LRRC9: variants seen among roughly 807,000 people sequenced by gnomAD.
LRRC9 encodes leucine rich repeat containing 9.
In LRRC9, 122 loss-of-function variants were observed where a neutral mutation model predicts 63.2. The ratio of observed to expected loss-of-function variants is 1.93; its 90% confidence interval spans 1.67 to 2.24. The LOEUF (loss-of-function observed/expected upper bound fraction) is 2.24. LRRC9 is among the 30% of genes most tolerant of loss of function. The pLI, the probability that LRRC9 is intolerant of heterozygous loss-of-function variation, is 0.00. For missense variants in LRRC9, 1,071 were observed against 627.7 expected, an observed-to-expected ratio of 1.71 and a Z score of -7.55; for synonymous variants, 366 against 213.1, an observed-to-expected ratio of 1.72 and a Z score of -6.25.
intron 10 of LRRC9, among the ~76,000 whole-genome samples, 179 bp downstream of exon 10, chr14:59,961,224 C>T (rs774239873): frequency 1.3e-5 from 2 of 152,026 alleles, no homozygotes; most frequent in Non-Finnish European, 2.9e-5. Flanking sequence ...ACCTACTTTC[C>T]GCCTATACAT....
intron 8 of LRRC9, among the ~76,000 whole-genome samples, chr14:59,946,660 C>A (rs1882448307): frequency 7.3e-6 from 1 of 137,184 alleles, no homozygotes; most frequent in African/African-American, 2.7e-5. Context: ...TCCCCCCTCC[C>A]CACTCCTCAC....
At position 60,008,045 on chromosome 14, in the gene LRRC9, G is replaced by C. The variant is rs538763040; in HGVS notation, c.3064-47G>C. On this transcript the variant is annotated intron_variant, in intron 22 of 31. Coordinates refer to ENST00000445360, the Ensembl canonical transcript of LRRC9. ...TGAGGATGGCTAACCTCTTACTAGAGTGCTTTAAATATACATATAGATGAA... is the reference window on the plus strand; with the variant it reads ...TGAGGATGGCTAACCTCTTACTAGACTGCTTTAAATATACATATAGATGAA... 4.3e-4 allele frequency: 237 copies of C among 557,480 alleles called. 3 individuals are homozygous for C. The South Asian group carries it at 5.7e-3, about 13-fold the overall frequency. 34.5% of individuals were successfully genotyped at this position (557,480 alleles called of 1,614,324 possible). A position where few individuals can be genotyped will look rare whatever the true frequency, so the allele number is the denominator to read the frequency against.
In LRRC9 at chr14:59,936,585, G is replaced by T. The variant is rs1327016328; in HGVS notation, c.544-1805G>T. The stretch of plus-strand genomic sequence containing the variant: ...CAGAGTTTATACCCACCATCTGCTA[G>T]CTCAGACTAATGGTCAAATGAAACA... On this transcript the variant is annotated intron_variant, in intron 6 of 31. Coordinates refer to ENST00000445360, the Ensembl canonical transcript of LRRC9. The surrounding 1 kb of genome is among the most constrained non-coding windows in gnomAD (Gnocchi z 4.2). Among the ~76,000 whole-genome samples, 1 of 152,158 alleles carries T rather than the reference G, an allele frequency of 6.6e-6. No homozygotes were observed. The highest frequency in any genetic ancestry group is 1.5e-5 in the Non-Finnish European group (1 of 68,028).
In LRRC9 at chr14:59,941,597, T is replaced by C. The variant is rs1057372740; in HGVS notation, c.727-2992T>C. Among the ~76,000 whole-genome samples the C allele has an allele frequency of 1.2e-4, 18 of 152,226 alleles. 1 individual carries two copies. The highest frequency in any genetic ancestry group is 8.5e-4 in the Admixed American group (13 of 15,292). On this transcript the variant is annotated intron_variant, in intron 7 of 31. Coordinates refer to ENST00000445360, the Ensembl canonical transcript of LRRC9. The stretch of plus-strand genomic sequence containing the variant: ...TGTTTATCTGAAATTCAAATTTAAT[T>C]TGGCATCTTGTATTTTATCTGACCA...
intron 26 of LRRC9, among the ~76,000 whole-genome samples, chr14:60,020,667 T>C (rs1368548650): frequency 1.3e-5 from 2 of 151,950 alleles, no homozygotes; most frequent in Non-Finnish European, 2.9e-5. Flanking sequence ...CAACCTCTAA[T>C]CTGTTTTCTA....
intron 15 of LRRC9, 145 bp downstream of exon 15, chr14:59,978,277 A>C (rs1437494060): frequency 5.9e-6 from 3 of 509,756 alleles, no homozygotes; most frequent in Non-Finnish European, 1.0e-5. Flanking sequence ...CTTAATTTTC[A>C]AAACAAGTCA....
intron 1 of LRRC9, among the ~76,000 whole-genome samples, chr14:59,925,639 G>C (rs182450391): frequency 7.2e-5 from 11 of 152,292 alleles, no homozygotes; most frequent in African/African-American, 2.4e-4. Flanking sequence ...CAAAGCATGA[G>C]TACAAATACA....
In LRRC9 at chr14:60,053,301, C is replaced by T; in HGVS notation, c.4131+96C>T. The T allele has an allele frequency of 3.5e-6, 2 of 573,512 alleles. No homozygotes were observed. The highest frequency in any genetic ancestry group is 2.1e-5 in the South Asian group (1 of 47,716). The allele number at this position is 573,512 out of a possible 1,614,324, so 35.5% of individuals were successfully genotyped here. A position where few individuals can be genotyped will look rare whatever the true frequency, so the allele number is the denominator to read the frequency against. On this transcript the variant is annotated intron_variant, in intron 30 of 31. Coordinates refer to ENST00000445360, the Ensembl canonical transcript of LRRC9. This position sits in a 1 kb window ranked among gnomAD's most constrained non-coding sequence, Gnocchi z 4.8. ...TTGATTTAAATGTTTAAACCTATGG[C>T]GTTTTTGATAAGGATGATCTTAGTA... is the stretch of plus-strand genomic sequence containing the variant.
At chr14:59,991,622 A>G (rs1230710833) in intron 17 of LRRC9, among the ~76,000 whole-genome samples, 2 of 152,082 alleles carry the variant, frequency 1.3e-5, no homozygotes, top group Non-Finnish European at 2.9e-5. Context: ...CCACCCTAAT[A>G]TTGCACTTTT....
At chr14:60,014,365 T>C (rs913287029) in intron 23 of LRRC9, among the ~76,000 whole-genome samples, 1 of 152,064 alleles carries the variant, frequency 6.6e-6, no homozygotes, top group Non-Finnish European at 1.5e-5. Context: ...CTTTCCTCTT[T>C]CCTGGCATTC....
intron 23 of LRRC9, among the ~76,000 whole-genome samples, chr14:60,010,073 T>C (rs1890136957): frequency 6.6e-6 from 1 of 152,126 alleles, no homozygotes. Context: ...TGTGGGTGGA[T>C]CTACCATTCT....
At position 59,986,786 on chromosome 14, in the gene LRRC9, T is replaced by C. The variant is rs1040337159; in HGVS notation, c.2211+1562T>C. ...AATACAAAAATTATTTTCATTATCA[T>C]AGCCTCACAGTCTACTTGTTAAATG... On this transcript the variant is annotated intron_variant, in intron 17 of 31. Transcript: ENST00000445360. The surrounding 1 kb of genome is among the most constrained non-coding windows in gnomAD (Gnocchi z 4.7). Among the ~76,000 whole-genome samples, 5 of 152,200 alleles carry C rather than the reference T, an allele frequency of 3.3e-5. No individual in the cohort carries two copies. Among genetic ancestry groups the C allele is most frequent in the African/African-American group, 1.2e-4 (5 of 41,452 alleles).
intron 27 of LRRC9, among the ~76,000 whole-genome samples, chr14:60,023,436 A>C (rs1891269867): frequency 6.6e-6 from 1 of 151,988 alleles, no homozygotes; most frequent in Non-Finnish European, 1.5e-5. Context: ...AGTGCTTTGC[A>C]AGCAGGGGGA....
intron 22 of LRRC9, 129 bp from the exon 23 acceptor site, chr14:60,007,959 AAAAG>A: frequency 2.1e-5 from 9 of 424,796 alleles, no homozygotes; most frequent in South Asian, 4.7e-5. Context: ...AAAAAAAAAA[AAAAG>A]TATACTTAAA....
Position 60,003,764 on chromosome 14 carries a change from C to T in LRRC9, c.2808C>T (p.Leu936=), listed in dbSNP as rs1341741396. 1.5e-6 allele frequency: 1 copy of T among 654,424 alleles called. No homozygotes were observed. Among genetic ancestry groups the T allele is most frequent in the Non-Finnish European group, 2.7e-6 (1 of 365,796 alleles). The allele number at this position is 654,424 out of a possible 1,614,324, so 40.5% of individuals were successfully genotyped here. The stretch of plus-strand genomic sequence containing the variant: ...AATCCTGTATTAACTTGGAAGAGCT[C>T]ACATTAGATGGAAACTGCATCTCAA... Residue 936 remains leucine (L), a synonymous_variant, in exon 21 of 32, where the codon CTC becomes CTT. Transcript: ENST00000445360. The surrounding 1 kb of genome is among the most constrained non-coding windows in gnomAD (Gnocchi z 4.2).
chr14:59,968,332 A>G (rs1885077077), intron 12 of LRRC9, among the ~76,000 whole-genome samples: 1 of 152,166 alleles, frequency 6.6e-6, no homozygotes, highest in Non-Finnish European at 1.5e-5. Flanking sequence ...GAATAATGAA[A>G]AAGTTCTGGA....
rs190020095 is a variant in LRRC9, at chr14:60,027,024, G to A, written c.3704-860G>A. Among the ~76,000 whole-genome samples, 222 of 152,054 alleles carry A rather than the reference G, an allele frequency of 1.5e-3. No individual in the cohort carries two copies. The highest frequency in any genetic ancestry group is 2.8e-3 in the Non-Finnish European group (187 of 67,964). The stretch of plus-strand genomic sequence containing the variant: ...GATTTTCACATATGAATTGGAGGGG[G>A]ACACAATTCAGCACATAATAATCAA... On this transcript the variant is annotated intron_variant, in intron 27 of 31. Coordinates refer to ENST00000445360, the Ensembl canonical transcript of LRRC9. The surrounding 1 kb of genome is among the most constrained non-coding windows in gnomAD (Gnocchi z 4.0).
At chr14:59,960,861 T>G in intron 9 of LRRC9, 53 bp from the exon 10 acceptor site, 2 of 523,248 alleles carry the variant, frequency 3.8e-6, no homozygotes, top group South Asian at 5.7e-5. Flanking sequence ...TAAGTTTTAA[T>G]GTTGCGATTT....
At chr14:59,977,421 A>G in intron 14 of LRRC9, 74 bp downstream of exon 14, 2 of 527,792 alleles carry the variant, frequency 3.8e-6, no homozygotes. Flanking sequence ...ACGGATACTC[A>G]CAATTTTATT....
Sources: allele counts gnomAD v4.1 joint callset (sites outside exome capture counted in the v4.1 genomes callset), GRCh38; gene constraint gnomAD v4.1.1; non-coding constraint Gnocchi (gnomAD v3.1); transcripts MANE v1.5; gene names NCBI Gene and HGNC (gene_info 2026-07-23, HGNC 2026-07-21).